Variants in GNB1 observed in about 807,000 individuals in gnomAD.
GNB1 encodes the protein guanine nucleotide-binding protein G(I)/G(S)/G(T) subunit beta-1.
Under a neutral mutation model 42.9 loss-of-function variants are expected in GNB1, and 2 were observed. The observed-to-expected ratio is 0.05, with a 90% confidence interval of 0.02 to 0.15. The LOEUF is 0.15. Ranked by LOEUF, GNB1 falls within the 10% of genes least tolerant of loss-of-function variation. The pLI is 1.00. For missense variants in GNB1, 193 were observed against 462.2 expected, an observed-to-expected ratio of 0.42 and a Z score of 5.34; for synonymous variants, 183 against 174.7, an observed-to-expected ratio of 1.05 and a Z score of -0.38.
chr1:1,815,909 A>T (rs746358852), intron 4 of GNB1, 47 bp from the exon 5 acceptor site: 2 of 1,132,440 alleles, frequency 1.8e-6, no homozygotes, highest in Non-Finnish European at 2.7e-6. Context: ...TGATTAAACG[A>T]TTCTCCTCAT....
chr1:1,855,472 C>G (rs565231419), intron 1 of GNB1, among the ~76,000 whole-genome samples: 2 of 152,096 alleles, frequency 1.3e-5, no homozygotes, highest in East Asian at 1.9e-4. Flanking sequence ...GAGGCCGAGG[C>G]GGGCGGATCA....
chr1:1,884,153 T>C (rs1269352048), intron 1 of GNB1, among the ~76,000 whole-genome samples: 2 of 148,566 alleles, frequency 1.3e-5, no homozygotes, highest in Non-Finnish European at 3.0e-5. Flanking sequence ...TTTTTTGAGA[T>C]GGAGTTTCCT....
chr1:1,834,819 C>A (rs1235601733), intron 2 of GNB1, among the ~76,000 whole-genome samples: 1 of 152,024 alleles, frequency 6.6e-6, no homozygotes, highest in Non-Finnish European at 1.5e-5. Flanking sequence ...CAGGCGCCTG[C>A]CACTATGCCC....
At chr1:1,811,477 G>A (rs925170936) in intron 5 of GNB1, among the ~76,000 whole-genome samples, 5 of 152,020 alleles carry the variant, frequency 3.3e-5, no homozygotes, top group Non-Finnish European at 5.9e-5. Flanking sequence ...AGCGGATCAC[G>A]AGGTCATGAG....
At chr1:1,835,892 T>TGA (rs1323841565) in intron 2 of GNB1, among the ~76,000 whole-genome samples, 3 of 124,898 alleles carry the variant, frequency 2.4e-5, no homozygotes, top group African/African-American at 9.2e-5. Context: ...GGCAACATAC[T>TGA]GAGACCCCGT....
chr1:1,863,657 A>G (rs1268770505), intron 1 of GNB1, among the ~76,000 whole-genome samples: 2 of 152,204 alleles, frequency 1.3e-5, no homozygotes, highest in Non-Finnish European at 2.9e-5. Flanking sequence ...TCATCCACAA[A>G]TAGCTCATTT....
chr1:1,883,314 T>A (rs1304132064), intron 1 of GNB1, among the ~76,000 whole-genome samples: 1 of 151,724 alleles, frequency 6.6e-6, no homozygotes, highest in Non-Finnish European at 1.5e-5. Context: ...AAAAAAACCT[T>A]TCAAGAAAAG....
intron 5 of GNB1, 36 bp from the exon 6 acceptor site, chr1:1,806,574 G>A (rs748794833): frequency 2.5e-5 from 35 of 1,394,498 alleles, no homozygotes; most frequent in African/African-American, 8.5e-5. Context: ...TATCAGTACC[G>A]CACAACACAG....
At chr1:1,886,690 A>C (rs16824526) in intron 1 of GNB1, among the ~76,000 whole-genome samples, 23,002 of 152,194 alleles carry the variant, frequency 0.15, 1,962 homozygotes, top group Middle Eastern at 0.29. Flanking sequence ...ATCAGAATGT[A>C]AACCAGTTTA....
intron 3 of GNB1, among the ~76,000 whole-genome samples, chr1:1,821,717 T>G (rs999668324): frequency 1.3e-5 from 2 of 152,250 alleles, no homozygotes; most frequent in Non-Finnish European, 2.9e-5. Flanking sequence ...GGCCATGACC[T>G]GCCTGTGGCT....
At chr1:1,801,127 A>G (rs1646620089) in intron 7 of GNB1, among the ~76,000 whole-genome samples, 1 of 152,232 alleles carries the variant, frequency 6.6e-6, no homozygotes, top group Non-Finnish European at 1.5e-5. Context: ...GCTTCAGTTC[A>G]AGTAATTCTC....
chr1:1,846,435 C>T (rs1020027527), intron 1 of GNB1, among the ~76,000 whole-genome samples: 1 of 152,078 alleles, frequency 6.6e-6, no homozygotes, highest in Admixed American at 6.6e-5. Flanking sequence ...GGCGTGGTGG[C>T]TGGCACCTGT....
intron 7 of GNB1, 86 bp from the exon 8 acceptor site, chr1:1,793,397 G>A (rs1570624027): frequency 2.4e-6 from 2 of 840,840 alleles, no homozygotes; most frequent in East Asian, 2.6e-5. Context: ...TTGGCCCGGT[G>A]GAAGCTCTAC....
chr1:1,872,443 C>A (rs541708369), intron 1 of GNB1, among the ~76,000 whole-genome samples: 1 of 152,338 alleles, frequency 6.6e-6, no homozygotes, highest in African/African-American at 2.4e-5. Context: ...CTGTCCTGGG[C>A]AAACTGGGCC....
chr1:1,810,527 C>A (rs1646760702), intron 5 of GNB1, among the ~76,000 whole-genome samples: 2 of 93,836 alleles, frequency 2.1e-5, no homozygotes, highest in Non-Finnish European at 2.1e-5. Context: ...CAGAGTGAGA[C>A]CCAGTCTCAA....
At chr1:1,838,507 T>A (rs942250293) in intron 2 of GNB1, among the ~76,000 whole-genome samples, 1 of 151,658 alleles carries the variant, frequency 6.6e-6, no homozygotes, top group African/African-American at 2.4e-5. Context: ...TGCAGTGGTA[T>A]GATCTTGGCT....
At position 1,787,349 on chromosome 1, in the gene GNB1, G is replaced by A; in HGVS notation, c.1005C>T (p.Phe335=). 6.2e-7 allele frequency: 1 copy of A among 1,609,562 alleles called. No homozygotes were observed. ...MAVATGSWDS[F]LKIWN is the part of the protein sequence containing the mutation. ...ACTGGCGTTAGTTCCAGATCTTGAG[G>A]AAGCTATCCCAGGACCCTGTCGCCA... Residue 335 remains phenylalanine (F), a synonymous_variant, in exon 11 of 12, where the codon TTC becomes TTT. Transcript: ENST00000378609. This position sits in a 1 kb window ranked among gnomAD's most constrained non-coding sequence, Gnocchi z 4.4.
At chr1:1,794,461 C>A (rs1326571654) in intron 7 of GNB1, among the ~76,000 whole-genome samples, 1 of 152,046 alleles carries the variant, frequency 6.6e-6, no homozygotes. Flanking sequence ...ACAGACTGGC[C>A]CTAATCTGAA....
At chr1:1,791,475 A>T (rs539247011) in intron 8 of GNB1, among the ~76,000 whole-genome samples, 1 of 152,080 alleles carries the variant, frequency 6.6e-6, no homozygotes, top group South Asian at 2.1e-4. Context: ...GCGCCCGGCC[A>T]TACCTGGTAT....
Sources: gnomAD v4.1 joint callset for allele counts (sites outside exome capture counted in the v4.1 genomes callset) on GRCh38, gnomAD v4.1.1 for gene constraint, Gnocchi (gnomAD v3.1) non-coding constraint, MANE v1.5 for transcripts, NCBI Gene and HGNC (gene_info 2026-07-23, HGNC 2026-07-21) for gene names.